The following PRKCQ variants were observed in gnomAD, a reference collection of about 807,000 sequenced individuals.
PRKCQ encodes protein kinase C theta, also known as protein kinase C theta type.
A neutral mutation model predicts 91.2 loss-of-function variants in PRKCQ; 41 were observed. The observed-to-expected ratio is 0.45, with a 90% CI of 0.35 to 0.58. PRKCQ has a LOEUF of 0.58. PRKCQ is among the 20% of genes least tolerant of loss of function. The pLI, the probability that PRKCQ is intolerant of heterozygous loss-of-function variation, is 0.00. For missense variants in PRKCQ, 673 were observed against 896.5 expected (o/e 0.75, Z 3.18); for synonymous variants, 307 against 316.9 (o/e 0.97, Z 0.33).
rs749609338 is a variant in PRKCQ, at chr10:6,515,058, G to T, written c.78C>A (p.Asn26Lys). 2 of 1,613,810 alleles carry T rather than the reference G, an allele frequency of 1.2e-6. No homozygotes were observed. Among genetic ancestry groups the T allele is most frequent in the Non-Finnish European group, 1.7e-6 (2 of 1,179,952 alleles). ...CTTTGACGAGCACAGCACAGTAAGG[G>T]TTAACAGCCTCGCCCTGACAAGACT... ...SCQSCQGEAV[N>K]PYCAVLVKEY... The change falls in exon 2 of 18, where the codon AAC becomes AAA. Residue 26 changes from asparagine to lysine, a missense_variant. By Grantham distance (94) the Asn-to-Lys change is moderately conservative. Coordinates refer to ENST00000263125, the MANE Select transcript of PRKCQ (RefSeq NM_006257.5).
chr10:6,416,189 G>T, the PRKCQ span, among the ~76,000 whole-genome samples: 36 of 151,688 alleles, frequency 2.4e-4, no homozygotes, highest in Non-Finnish European at 2.1e-4. Flanking sequence ...AAAATACAAA[G>T]ATTCTTCTTT....
chr10:6,408,439 C>T, the PRKCQ span, among the ~76,000 whole-genome samples: 1 of 152,210 alleles, frequency 6.6e-6, no homozygotes, highest in African/African-American at 2.4e-5. Flanking sequence ...ACTGCAACTT[C>T]TGCCTCCTGG....
chr10:6,553,341 T>C (rs1019840707), intron 1 of PRKCQ, among the ~76,000 whole-genome samples: 1 of 151,408 alleles, frequency 6.6e-6, no homozygotes, highest in Non-Finnish European at 1.5e-5. Flanking sequence ...AATACAAAAA[T>C]TAGCTGGGCA....
chr10:6,579,367 C>G (rs1841363538), intron 1 of PRKCQ, among the ~76,000 whole-genome samples: 1 of 152,146 alleles, frequency 6.6e-6, no homozygotes, highest in Admixed American at 6.5e-5. Context: ...CCAGCCCGCA[C>G]AGGGGCAGGA....
chr10:6,517,856 A>T (rs1838836823), intron 1 of PRKCQ, among the ~76,000 whole-genome samples: 2 of 152,128 alleles, frequency 1.3e-5, no homozygotes, highest in African/African-American at 4.8e-5. Flanking sequence ...ACTGTTTATG[A>T]CCCAAGAAAA....
chr10:6,524,892 C>T (rs1839141483), intron 1 of PRKCQ, among the ~76,000 whole-genome samples: 1 of 152,188 alleles, frequency 6.6e-6, no homozygotes, highest in African/African-American at 2.4e-5. Context: ...CAGGCTCTCA[C>T]TGATGTAGGA....
intron 7 of PRKCQ, among the ~76,000 whole-genome samples, chr10:6,493,428 C>T (rs1349302376): frequency 6.6e-6 from 1 of 152,164 alleles, no homozygotes; most frequent in African/African-American, 2.4e-5. Flanking sequence ...TGTAAAATTA[C>T]ACATGTAGCC....
the PRKCQ span, among the ~76,000 whole-genome samples, chr10:6,406,855 G>A: frequency 6.6e-6 from 1 of 152,154 alleles, no homozygotes; most frequent in African/African-American, 2.4e-5. Flanking sequence ...GCAAATGTTT[G>A]GTTGATCTAG....
intron 15 of PRKCQ, among the ~76,000 whole-genome samples, chr10:6,450,499 A>G (rs1198223954): frequency 6.6e-6 from 1 of 152,204 alleles, no homozygotes; most frequent in East Asian, 1.9e-4. Context: ...TTAACACCCC[A>G]CTGTCAACAT....
intron 15 of PRKCQ, 118 bp from the exon 16 acceptor site, chr10:6,442,199 A>AT: frequency 9.9e-7 from 1 of 1,005,042 alleles, no homozygotes; most frequent in South Asian, 1.7e-5. Context: ...TGCAAGAAAG[A>AT]TCACCCTGAA....
intron 1 of PRKCQ, among the ~76,000 whole-genome samples, chr10:6,563,015 G>T (rs1840691971): frequency 6.6e-6 from 1 of 152,070 alleles, no homozygotes; most frequent in South Asian, 2.1e-4. Context: ...AAAGGCTATG[G>T]ATTCTTTCAA....
intron 3 of PRKCQ, among the ~76,000 whole-genome samples, chr10:6,510,413 G>A (rs1838412647): frequency 6.6e-6 from 1 of 152,202 alleles, no homozygotes; most frequent in Admixed American, 6.5e-5. Context: ...AAAGTATAGA[G>A]AGAGAAGACC....
chr10:6,518,837 A>C (rs542310017), intron 1 of PRKCQ, among the ~76,000 whole-genome samples: 2 of 152,188 alleles, frequency 1.3e-5, no homozygotes, highest in Non-Finnish European at 2.9e-5. Context: ...AAAGAAAAGA[A>C]AAGAAAAATA....
At chr10:6,535,096 G>C (rs1839531199) in intron 1 of PRKCQ, among the ~76,000 whole-genome samples, 1 of 152,210 alleles carries the variant, frequency 6.6e-6, no homozygotes, top group African/African-American at 2.4e-5. Flanking sequence ...TGCCGAGCTT[G>C]TAAGTAACCT....
the PRKCQ span, among the ~76,000 whole-genome samples, chr10:6,406,418 T>A: frequency 6.6e-6 from 1 of 152,102 alleles, no homozygotes; most frequent in Non-Finnish European, 1.5e-5. Context: ...TGTAAAATAA[T>A]GTTTGCTGAA....
chr10:6,530,168 G>A lies in PRKCQ; in HGVS notation c.-9-15024C>T, dbSNP rs75412064. ...TATGGGGCAAACCTCTCCTTCCTAGGGCGCGGTCAGAGAAGGAGCCTTCGA... is the reference window on the plus strand; with the variant it reads ...TATGGGGCAAACCTCTCCTTCCTAGAGCGCGGTCAGAGAAGGAGCCTTCGA... On this transcript the variant is annotated intron_variant, in intron 1 of 17. Transcript: ENST00000263125. Among the ~76,000 whole-genome samples the A allele has an allele frequency of 7.9e-3, 1,202 of 152,230 alleles. 16 individuals are homozygous for A. Among genetic ancestry groups the A allele is most frequent in the East Asian group, 0.031 (159 of 5,172 alleles).
intron 15 of PRKCQ, among the ~76,000 whole-genome samples, chr10:6,455,216 C>T (rs1834942403): frequency 6.6e-6 from 1 of 152,216 alleles, no homozygotes; most frequent in South Asian, 2.1e-4. Context: ...GTCCCCATCA[C>T]TCGTGCTTTG....
intron 4 of PRKCQ, among the ~76,000 whole-genome samples, chr10:6,505,728 C>T: frequency 6.6e-6 from 1 of 151,922 alleles, no homozygotes; most frequent in East Asian, 1.9e-4. Context: ...TCACTGCAAC[C>T]TCAATAACCT....
intron 1 of PRKCQ, among the ~76,000 whole-genome samples, chr10:6,570,789 A>G (rs1233636952): frequency 6.6e-6 from 1 of 152,066 alleles, no homozygotes; most frequent in African/African-American, 2.4e-5. Context: ...TCCTGGCCTC[A>G]AGTGATTCAC....
Sources: gnomAD v4.1 joint callset for allele counts (sites outside exome capture counted in the v4.1 genomes callset) on GRCh38, gnomAD v4.1.1 for gene constraint, MANE v1.5 for transcripts, NCBI Gene and HGNC (gene_info 2026-07-23, HGNC 2026-07-21) for gene names.